The following ARPC2 variants were observed in gnomAD, a reference collection of about 807,000 sequenced individuals.
ARPC2 encodes actin-related protein 2/3 complex subunit 2.
Under a neutral mutation model 38.6 loss-of-function variants are expected in ARPC2, and 4 were observed. The ratio of observed to expected loss-of-function variants is 0.10; its 90% confidence interval spans 0.05 to 0.24. ARPC2 has a LOEUF of 0.24. ARPC2 is among the 10% of genes least tolerant of loss of function. The pLI, the probability that ARPC2 is intolerant of heterozygous loss-of-function variation, is 1.00. For synonymous variants in ARPC2, 125 were observed against 140.8 expected (o/e 0.89, Z 0.79); for missense variants, 229 against 387.3 (o/e 0.59, Z 3.43).
At chr2:218,247,900 G>A (rs992417565) in intron 8 of ARPC2, among the ~76,000 whole-genome samples, 4 of 151,508 alleles carry the variant, frequency 2.6e-5, no homozygotes, top group African/African-American at 4.9e-5. Context: ...CCAAGATCAC[G>A]CGACTGCACT....
chr2:218,252,434 A>G (rs907981), intron 10 of ARPC2, among the ~76,000 whole-genome samples: 151,752 of 152,316 alleles, frequency 1, 75,598 homozygotes, highest in East Asian at 1. Context: ...TCCAGAACCT[A>G]GTCTCCATCC....
chr2:218,220,598 A>G (rs10208442), intron 2 of ARPC2, among the ~76,000 whole-genome samples: 138,351 of 151,978 alleles, frequency 0.91, 64,240 homozygotes, highest in Non-Finnish European at 1. Flanking sequence ...TTAATTTTCC[A>G]TTTGAAGTTG....
At chr2:218,247,966 A>G (rs1159263811) in intron 8 of ARPC2, among the ~76,000 whole-genome samples, 1 of 136,444 alleles carries the variant, frequency 7.3e-6, no homozygotes, top group Non-Finnish European at 1.6e-5. Flanking sequence ...AAAAAAAAAA[A>G]GAAACAGGGT....
chr2:218,246,919 A>G (rs1007596014), intron 8 of ARPC2, among the ~76,000 whole-genome samples: 4 of 152,304 alleles, frequency 2.6e-5, no homozygotes, highest in Non-Finnish European at 4.4e-5. Context: ...TGGAGGTTGC[A>G]GCAAGCCGAG....
chr2:218,245,391 T>C, intron 7 of ARPC2, 29 bp from the exon 8 acceptor site: 1 of 1,613,604 alleles, frequency 6.2e-7, no homozygotes, highest in Non-Finnish European at 8.5e-7. Context: ...CCCACTTCTC[T>C]TCTGGTTGCT....
chr2:218,234,208 G>A, intron 4 of ARPC2, 144 bp from the exon 5 acceptor site: 1 of 597,918 alleles, frequency 1.7e-6, no homozygotes, highest in Non-Finnish European at 2.9e-6. Flanking sequence ...CTTCCCCTCT[G>A]TCTCTACTTT....
intron 2 of ARPC2, among the ~76,000 whole-genome samples, chr2:218,222,786 G>A (rs1689413545): frequency 6.6e-6 from 1 of 152,190 alleles, no homozygotes; most frequent in Admixed American, 6.5e-5. Context: ...GTGACAGATA[G>A]TGGATCTCAT....
chr2:218,253,842 G>A, intron 10 of ARPC2, 49 bp from the exon 11 acceptor site: 2 of 1,608,226 alleles, frequency 1.2e-6, no homozygotes, highest in Non-Finnish European at 1.7e-6. Context: ...TGGGGTGGGA[G>A]GAAAGGGCAG....
intron 2 of ARPC2, among the ~76,000 whole-genome samples, chr2:218,220,609 A>ATT (rs570096079): frequency 1.4e-5 from 2 of 143,294 alleles, no homozygotes; most frequent in African/African-American, 2.6e-5. Flanking sequence ...TTTGAAGTTG[A>ATT]TTTTTTTTTT....
chr2:218,250,791 G>A (rs974446614), intron 10 of ARPC2, among the ~76,000 whole-genome samples: 5 of 152,152 alleles, frequency 3.3e-5, no homozygotes, highest in African/African-American at 1.2e-4. Flanking sequence ...TGGTTCTTCT[G>A]ATGAAATTCA....
intron 4 of ARPC2, among the ~76,000 whole-genome samples, chr2:218,232,546 ATTTT>A (rs71064418): frequency 6.7e-4 from 56 of 83,134 alleles, no homozygotes; most frequent in African/African-American, 2.1e-3. Context: ...GCCAGACTCA[ATTTT>A]TTTTTTTTTT....
At chr2:218,229,098 T>C in intron 4 of ARPC2, 1 of 336,036 alleles carries the variant, frequency 3.0e-6, no homozygotes, top group South Asian at 3.1e-5. Context: ...AAAGAATACT[T>C]TTCCTTGATC....
intron 2 of ARPC2, among the ~76,000 whole-genome samples, chr2:218,221,259 G>A (rs1025036668): frequency 5.9e-5 from 9 of 152,202 alleles, no homozygotes; most frequent in African/African-American, 2.2e-4. Context: ...CAGTAAGCAA[G>A]CAGTGCCAGT....
chr2:218,249,716 G>T (rs751546749), intron 9 of ARPC2, 105 bp from the exon 10 acceptor site: 12 of 1,118,594 alleles, frequency 1.1e-5, no homozygotes, highest in Non-Finnish European at 1.4e-5. Flanking sequence ...GTCAATCCCA[G>T]GGTGTATGTT....
chr2:218,238,039 A>T (rs554957421), intron 5 of ARPC2, among the ~76,000 whole-genome samples: 1 of 152,214 alleles, frequency 6.6e-6, no homozygotes, highest in Non-Finnish European at 1.5e-5. Context: ...GCAGACTTCA[A>T]AGGTGGTTAT....
chr2:218,230,988 C>T (rs181313712), intron 4 of ARPC2, among the ~76,000 whole-genome samples: 6 of 152,238 alleles, frequency 3.9e-5, no homozygotes, highest in Admixed American at 3.9e-4. Context: ...TTGTAGCTAC[C>T]ACAAGGGTCA....
chr2:218,252,897 C>T (rs930918449), intron 10 of ARPC2: 1 of 456,502 alleles, frequency 2.2e-6, no homozygotes, highest in African/African-American at 2.0e-5. Context: ...TCATAAGCCT[C>T]CTCTCTGGGA....
At chr2:218,222,084 A>G (rs1308444163) in intron 2 of ARPC2, among the ~76,000 whole-genome samples, 2 of 152,154 alleles carry the variant, frequency 1.3e-5, no homozygotes, top group Admixed American at 6.5e-5. Context: ...CCTGGCCAAC[A>G]TGACAAAACA....
intron 7 of ARPC2, among the ~76,000 whole-genome samples, chr2:218,240,717 C>T (rs1407224257): frequency 7.2e-6 from 1 of 139,192 alleles, no homozygotes; most frequent in Non-Finnish European, 1.6e-5. Context: ...TGGTGAAACC[C>T]CGTCTCTACT....
Sources: gnomAD v4.1 joint callset for allele counts (sites outside exome capture counted in the v4.1 genomes callset) on GRCh38, gnomAD v4.1.1 for gene constraint, MANE v1.5 for transcripts, NCBI Gene and HGNC (gene_info 2026-07-23, HGNC 2026-07-21) for gene names.